Variants in CCDC60 observed in about 807,000 individuals in gnomAD.
CCDC60 encodes the protein coiled-coil domain-containing protein 60.
Under a neutral mutation model 63.5 loss-of-function variants are expected in CCDC60, and 54 were observed. The observed-to-expected ratio is 0.85, with a 90% confidence interval of 0.68 to 1.07. The LOEUF (loss-of-function observed/expected upper bound fraction) is 1.07, where lower values mean the gene tolerates loss of function less well. Among genes scored for constraint, CCDC60 ranks in the 50% least tolerant of loss-of-function variants. CCDC60 has a pLI of 0.00. For synonymous variants in CCDC60, 206 were observed against 238.8 expected, an observed-to-expected ratio of 0.86 and a Z score of 1.27; for missense variants, 651 against 684.3, an observed-to-expected ratio of 0.95 and a Z score of 0.54.
chr12:119,451,068 T>C (rs1367213328), intron 2 of CCDC60, among the ~76,000 whole-genome samples: 1 of 152,078 alleles, frequency 6.6e-6, no homozygotes, highest in African/African-American at 2.4e-5. Flanking sequence ...CAAGGCAAAC[T>C]GAATTGAAAA....
rs116150853 is a variant in CCDC60 at position 119,523,698 on chromosome 12, C to A, written c.1109C>A (p.Thr370Asn). The change falls in exon 11 of 14, where the codon ACT becomes AAT. Residue 370 changes from threonine (T) to asparagine (N), a missense_variant. Thr to Asn is a moderately conservative substitution (Grantham distance 65, BLOSUM62 0). Transcript: ENST00000327554. Reference sequence around the variant, plus strand: ...CTTCTTATCTGTGTCCACAGCCGCACTAATTGTGACATCAACATCCACTAC... The same window carrying A: ...CTTCTTATCTGTGTCCACAGCCGCAATAATTGTGACATCAACATCCACTAC... ...QPVQKKSKNR[T>N]NCDINIHYKS... 2.8e-3 allele frequency: 4,589 copies of A among 1,614,110 alleles called. 98 individuals carry two copies. In the African/African-American group the frequency reaches 0.052, roughly 18 times the overall value.
intron 1 of CCDC60, among the ~76,000 whole-genome samples, chr12:119,357,927 G>A (rs1955734290): frequency 6.6e-6 from 1 of 152,206 alleles, no homozygotes; most frequent in Non-Finnish European, 1.5e-5. Flanking sequence ...AGCTTCTGGG[G>A]AGACCTCAGG....
intron 2 of CCDC60, among the ~76,000 whole-genome samples, chr12:119,462,236 T>C (rs558059424): frequency 1.3e-5 from 2 of 152,334 alleles, no homozygotes; most frequent in East Asian, 3.9e-4. Flanking sequence ...TGCTACAGAC[T>C]TGGCTTTTTA....
intron 1 of CCDC60, among the ~76,000 whole-genome samples, chr12:119,424,100 T>C (rs1021133181): frequency 1.3e-5 from 2 of 152,234 alleles, no homozygotes; most frequent in African/African-American, 4.8e-5. Context: ...AACATCTCTA[T>C]TAACAATTTA....
chr12:119,391,888 G>A (rs1956166180), intron 1 of CCDC60, among the ~76,000 whole-genome samples: 2 of 152,180 alleles, frequency 1.3e-5, no homozygotes, highest in African/African-American at 4.8e-5. Context: ...GCATACCAGT[G>A]AGTTGTGTGG....
chr12:119,417,241 AT>A (rs1218503321), intron 1 of CCDC60, among the ~76,000 whole-genome samples: 1 of 151,798 alleles, frequency 6.6e-6, no homozygotes, highest in African/African-American at 2.4e-5. Flanking sequence ...AGACATTTTT[AT>A]TGTTGTAACT....
At chr12:119,348,250 G>C (rs1955617965) in intron 1 of CCDC60, among the ~76,000 whole-genome samples, 1 of 152,176 alleles carries the variant, frequency 6.6e-6, no homozygotes, top group Admixed American at 6.5e-5. Context: ...TTCTCATAGA[G>C]AATGTGAGAA....
intron 1 of CCDC60, among the ~76,000 whole-genome samples, chr12:119,391,089 G>A (rs1449845330): frequency 2.0e-5 from 3 of 152,146 alleles, no homozygotes; most frequent in Admixed American, 6.5e-5. Context: ...TATAAAATGT[G>A]AGGGGAGGAT....
chr12:119,519,429 G>GCGCA (rs1321499208), intron 8 of CCDC60, among the ~76,000 whole-genome samples: 11 of 134,080 alleles, frequency 8.2e-5, no homozygotes, highest in South Asian at 2.3e-4. Flanking sequence ...GTGTGTGTGT[G>GCGCA]TGTGTGCGCG....
chr12:119,402,719 G>A (rs1956414707), intron 1 of CCDC60, among the ~76,000 whole-genome samples: 1 of 152,202 alleles, frequency 6.6e-6, no homozygotes, highest in Non-Finnish European at 1.5e-5. Flanking sequence ...GAGGTGTTGT[G>A]TTGGGTAATC....
intron 12 of CCDC60, among the ~76,000 whole-genome samples, chr12:119,530,536 C>T (rs922016806): frequency 6.6e-6 from 1 of 152,154 alleles, no homozygotes; most frequent in South Asian, 2.1e-4. Flanking sequence ...ACATCAACTC[C>T]GACCTGATTA....
intron 2 of CCDC60, among the ~76,000 whole-genome samples, chr12:119,447,010 G>A (rs995212132): frequency 1.3e-5 from 2 of 152,158 alleles, no homozygotes; most frequent in African/African-American, 2.4e-5. Context: ...GTGAGAAGAA[G>A]ACGAGAGGCG....
chr12:119,435,675 T>C (rs1950310953), intron 2 of CCDC60, among the ~76,000 whole-genome samples: 1 of 152,144 alleles, frequency 6.6e-6, no homozygotes, highest in African/African-American at 2.4e-5. Flanking sequence ...AATGAGAAAA[T>C]TAAGATTCAG....
chr12:119,437,646 T>G (rs1950351978), intron 2 of CCDC60, among the ~76,000 whole-genome samples: 1 of 152,182 alleles, frequency 6.6e-6, no homozygotes, highest in African/African-American at 2.4e-5. Flanking sequence ...CTGACCGCTC[T>G]CAGTCGCTTC....
intron 1 of CCDC60, among the ~76,000 whole-genome samples, chr12:119,414,053 C>T (rs1956655005): frequency 6.6e-6 from 1 of 152,060 alleles, no homozygotes; most frequent in Non-Finnish European, 1.5e-5. Context: ...GTATCTCACT[C>T]TGTCACCCAG....
chr12:119,371,133 A>G (rs1312454405), intron 1 of CCDC60, among the ~76,000 whole-genome samples: 1 of 152,178 alleles, frequency 6.6e-6, no homozygotes, highest in Non-Finnish European at 1.5e-5. Context: ...ACCTGATTCC[A>G]TTTCTTGAGA....
intron 7 of CCDC60, among the ~76,000 whole-genome samples, chr12:119,512,010 C>T (rs1281145321): frequency 1.3e-5 from 2 of 152,180 alleles, no homozygotes; most frequent in African/African-American, 4.8e-5. Context: ...AAATTGAGAG[C>T]TGGAGTAGAA....
intron 1 of CCDC60, among the ~76,000 whole-genome samples, chr12:119,369,375 G>A (rs1348529267): frequency 6.6e-6 from 1 of 152,210 alleles, no homozygotes; most frequent in Non-Finnish European, 1.5e-5. Flanking sequence ...GCATTCCTGG[G>A]GGATGGGGGA....
At chr12:119,484,708 G>A (rs1378561907) in intron 4 of CCDC60, among the ~76,000 whole-genome samples, 1 of 151,720 alleles carries the variant, frequency 6.6e-6, no homozygotes, top group Non-Finnish European at 1.5e-5. Context: ...GTGAGACCCT[G>A]TCTCAAAAAA....
Sources: gnomAD v4.1 joint callset for allele counts (sites outside exome capture counted in the v4.1 genomes callset) on GRCh38, gnomAD v4.1.1 for gene constraint, MANE v1.5 for transcripts, NCBI Gene and HGNC (gene_info 2026-07-23, HGNC 2026-07-21) for gene names.